PLCB1: variants seen among roughly 807,000 people sequenced by gnomAD.
The protein encoded by PLCB1 is 1-phosphatidylinositol 4,5-bisphosphate phosphodiesterase beta-1.
Under a neutral mutation model 161.8 loss-of-function variants are expected in PLCB1, and 46 were observed. The ratio of observed to expected loss-of-function variants is 0.28; its 90% CI spans 0.22 to 0.36. The LOEUF (loss-of-function observed/expected upper bound fraction) is 0.36. PLCB1 is among the 10% of genes least tolerant of loss of function. The pLI is 1.00. For missense variants in PLCB1, 1,016 were observed against 1,472.5 expected, an observed-to-expected ratio of 0.69 and a Z score of 5.07; for synonymous variants, 517 against 503.7, an observed-to-expected ratio of 1.03 and a Z score of -0.35.
In PLCB1 at chr20:8,408,498, G is replaced by T. The variant is rs1978886471; in HGVS notation, c.246+37048G>T. ...GAAATAGGTACTGTAAAACTGTTCT[G>T]AATTGGAAGTTTTTTTTAAAAAAAA... On this transcript the variant is annotated intron_variant, in intron 3 of 31. Transcript: ENST00000338037. Among the ~76,000 whole-genome samples, 3 of 151,658 alleles carry T rather than the reference G, an allele frequency of 2.0e-5. No homozygotes were observed. In the South Asian group the frequency reaches 6.2e-4, roughly 32 times the overall value.
At chr20:8,751,903 T>C (rs540021369) in intron 23 of PLCB1, 37 of 152,344 alleles carry the variant, frequency 2.4e-4, no homozygotes, top group African/African-American at 8.2e-4. Context: ...AAATAAAATA[T>C]TGACTTCTGC....
intron 31 of PLCB1, among the ~76,000 whole-genome samples, chr20:8,811,878 C>T (rs1017379576): frequency 3.3e-5 from 5 of 152,158 alleles, no homozygotes; most frequent in African/African-American, 4.8e-5. Flanking sequence ...ATAATAAACT[C>T]ATATATTTCC....
intron 3 of PLCB1, among the ~76,000 whole-genome samples, chr20:8,407,949 T>G (rs1049113964): frequency 1.3e-5 from 2 of 152,116 alleles, no homozygotes; most frequent in Non-Finnish European, 2.9e-5. Flanking sequence ...ACAAGGAAAG[T>G]CTGAGAAAAC....
intron 4 of PLCB1, among the ~76,000 whole-genome samples, chr20:8,638,070 A>AT (rs1988821265): frequency 6.6e-6 from 1 of 152,038 alleles, no homozygotes; most frequent in African/African-American, 2.4e-5. Flanking sequence ...TAATTTTTGT[A>AT]TTTTTAGTAG....
At chr20:8,145,130 G>T (rs1299395731) in intron 1 of PLCB1, among the ~76,000 whole-genome samples, 1 of 152,178 alleles carries the variant, frequency 6.6e-6, no homozygotes, top group Non-Finnish European at 1.5e-5. Context: ...AGTTTGGGAG[G>T]AAGTGGGAGA....
At chr20:8,505,792 A>G (rs1280200593) in intron 3 of PLCB1, among the ~76,000 whole-genome samples, 2 of 152,206 alleles carry the variant, frequency 1.3e-5, no homozygotes, top group African/African-American at 4.8e-5. Context: ...TAATTATGTC[A>G]CATCTGTTTG....
chr20:8,281,793 G>A (rs539225340), intron 2 of PLCB1, among the ~76,000 whole-genome samples: 1 of 151,894 alleles, frequency 6.6e-6, no homozygotes, highest in Admixed American at 6.6e-5. Flanking sequence ...ACATTGTACT[G>A]TAAAAAGACA....
chr20:8,395,154 C>T (rs1238602167), intron 3 of PLCB1, among the ~76,000 whole-genome samples: 1 of 151,934 alleles, frequency 6.6e-6, no homozygotes, highest in Non-Finnish European at 1.5e-5. Context: ...AAAGAAGTTT[C>T]CTTGGTTGAG....
chr20:8,482,603 A>G (rs748343666), intron 3 of PLCB1, among the ~76,000 whole-genome samples: 4 of 152,220 alleles, frequency 2.6e-5, no homozygotes, highest in Non-Finnish European at 5.9e-5. Flanking sequence ...TTAATTTTCC[A>G]GTGAATGCCA....
chr20:8,642,549 C>T (rs1988989534), intron 4 of PLCB1, among the ~76,000 whole-genome samples: 1 of 152,000 alleles, frequency 6.6e-6, no homozygotes, highest in African/African-American at 2.4e-5. Context: ...AGAATGACAC[C>T]ATTATCAATG....
At chr20:8,604,073 C>T (rs1055835516) in intron 3 of PLCB1, among the ~76,000 whole-genome samples, 8 of 151,782 alleles carry the variant, frequency 5.3e-5, no homozygotes, top group African/African-American at 1.5e-4. Context: ...GCCAACATGG[C>T]GAAACTCTGT....
Position 8,612,914 on chromosome 20 carries a change from C to T in PLCB1, c.247-15380C>T, listed in dbSNP as rs146498368. ...TTTCAGGAAGAATTTGGGGTTCTAA[C>T]TAGATAACCACATTTCAGTGTTACC... On this transcript the variant is annotated intron_variant, in intron 3 of 31. Transcript: ENST00000338037. Among the ~76,000 whole-genome samples the T allele has an allele frequency of 7.4e-3, 1,132 of 152,254 alleles. 18 individuals are homozygous for T. Among genetic ancestry groups the T allele is most frequent in the African/African-American group, 0.026 (1,089 of 41,534 alleles).
chr20:8,509,591 A>G (rs1376833767), intron 3 of PLCB1, among the ~76,000 whole-genome samples: 1 of 152,202 alleles, frequency 6.6e-6, no homozygotes, highest in Non-Finnish European at 1.5e-5. Context: ...GTTTTTTAGC[A>G]TTTAGACTAT....
intron 2 of PLCB1, among the ~76,000 whole-genome samples, chr20:8,205,486 C>G (rs147658449): frequency 1.8e-3 from 273 of 152,174 alleles, no homozygotes; most frequent in Non-Finnish European, 3.2e-3. Flanking sequence ...GACAATCAAT[C>G]TGGTTTAGTC....
At chr20:8,611,837 T>G (rs1399052544) in intron 3 of PLCB1, among the ~76,000 whole-genome samples, 1 of 152,072 alleles carries the variant, frequency 6.6e-6, no homozygotes, top group African/African-American at 2.4e-5. Context: ...TCCTAGCTAC[T>G]CGGGAGGCTG....
In PLCB1 at chr20:8,273,548, A is replaced by T. The variant is rs187380115; in HGVS notation, c.178-97834A>T. 1.4e-4 allele frequency among the ~76,000 whole-genome samples: 21 copies of T among 152,248 alleles called. No homozygotes were observed. In the East Asian group the frequency reaches 4.0e-3, roughly 29 times the overall value. ...CAGGCACTAATAGTGCTGCTTTGCC[A>T]CTTCAAAGCATCCAGCCCGAGAAAT... On this transcript the variant is annotated intron_variant, in intron 2 of 31. Coordinates refer to ENST00000338037, the MANE Select transcript of PLCB1 (RefSeq NM_015192.4).
chr20:8,252,452 C>T (rs950980021), intron 2 of PLCB1, among the ~76,000 whole-genome samples: 1 of 145,544 alleles, frequency 6.9e-6, no homozygotes, highest in Admixed American at 6.8e-5. Context: ...CTGCAGAATG[C>T]TGGAATGGAA....
chr20:8,863,703 A>G (rs1987330991), intron 31 of PLCB1, among the ~76,000 whole-genome samples: 1 of 152,246 alleles, frequency 6.6e-6, no homozygotes, highest in African/African-American at 2.4e-5. Flanking sequence ...GAAGTACATT[A>G]TATTCTTCAG....
intron 2 of PLCB1, among the ~76,000 whole-genome samples, chr20:8,201,140 T>G (rs1233654319): frequency 1.3e-5 from 2 of 152,086 alleles, no homozygotes; most frequent in African/African-American, 4.8e-5. Context: ...GTTAGAATAA[T>G]TGTCTTATTT....
Sources: gnomAD v4.1 joint callset for allele counts (sites outside exome capture counted in the v4.1 genomes callset) on GRCh38, gnomAD v4.1.1 for gene constraint, MANE v1.5 for transcripts, NCBI Gene and HGNC (gene_info 2026-07-23, HGNC 2026-07-21) for gene names.